SOS1: variants seen among roughly 807,000 people sequenced by gnomAD.
SOS1 encodes the protein SOS Ras/Rac guanine nucleotide exchange factor 1, also known as son of sevenless homolog 1.
Under a neutral mutation model 157.6 loss-of-function variants are expected in SOS1, and 25 were observed. That is an observed-to-expected ratio of 0.16 (90% CI 0.12 to 0.22). The LOEUF (loss-of-function observed/expected upper bound fraction) is 0.22, where lower values mean the gene tolerates loss of function less well. SOS1 is among the 10% of genes least tolerant of loss of function. SOS1 has a pLI of 1.00. For synonymous variants in SOS1, 528 were observed against 534.0 expected, an observed-to-expected ratio of 0.99 and a Z score of 0.16; for missense variants, 1,237 against 1,599.1, an observed-to-expected ratio of 0.77 and a Z score of 3.86.
chr2:39,055,215 C>T lies in SOS1; in HGVS notation c.511-392G>A, dbSNP rs138441404. Among the ~76,000 whole-genome samples, 197 of 152,198 alleles carry T rather than the reference C, an allele frequency of 1.3e-3. 1 individual carries two copies. Among genetic ancestry groups the T allele is most frequent in the Non-Finnish European group, 2.5e-3 (168 of 67,994 alleles). On this transcript the variant is annotated intron_variant, in intron 4 of 22. Coordinates refer to ENST00000402219, the MANE Select transcript of SOS1 (RefSeq NM_005633.4). The stretch of plus-strand genomic sequence containing the variant: ...AAATGTTTATAGCTGTCTATTCGGC[C>T]GATTTTCCTACATTTGTTGGGAATA...
At chr2:39,100,639 G>T (rs545798249) in intron 1 of SOS1, among the ~76,000 whole-genome samples, 1 of 152,214 alleles carries the variant, frequency 6.6e-6, no homozygotes, top group Non-Finnish European at 1.5e-5. Flanking sequence ...GAGCAGGCCA[G>T]GCGTGGTGAC....
intron 1 of SOS1, among the ~76,000 whole-genome samples, chr2:39,081,873 T>A (rs923388685): frequency 6.6e-6 from 1 of 152,192 alleles, no homozygotes; most frequent in Non-Finnish European, 1.5e-5. Flanking sequence ...AATATTTTTA[T>A]AAAAACTTGC....
chr2:39,056,671 A>C (rs200129872), intron 4 of SOS1, 31 bp downstream of exon 4: 1 of 1,461,640 alleles, frequency 6.8e-7, no homozygotes, highest in Non-Finnish European at 9.6e-7. Context: ...AAAGAAACTT[A>C]AGAAAAAAAT....
At chr2:39,023,928 C>G in intron 9 of SOS1, 82 bp downstream of exon 9, 2 of 952,712 alleles carry the variant, frequency 2.1e-6, no homozygotes, top group Non-Finnish European at 3.4e-6. Flanking sequence ...TCATTGTTTA[C>G]TTGAGGAGGG....
intron 11 of SOS1, 133 bp downstream of exon 11, chr2:39,014,632 A>T: frequency 2.0e-6 from 1 of 507,874 alleles, no homozygotes; most frequent in Non-Finnish European, 3.6e-6. Context: ...TGTTCATCTA[A>T]GAGATTTTAT....
chr2:38,993,088 A>AT (rs1265412908), intron 20 of SOS1: 2 of 151,272 alleles, frequency 1.3e-5, no homozygotes, highest in Non-Finnish European at 2.9e-5. Context: ...ATTTTATAAA[A>AT]TTAAAAAAAA....
intron 1 of SOS1, among the ~76,000 whole-genome samples, chr2:39,099,848 C>G (rs1354415364): frequency 6.6e-6 from 1 of 152,258 alleles, no homozygotes; most frequent in Admixed American, 6.5e-5. Flanking sequence ...AAGTGATGCT[C>G]CTGCCTCAGC....
At chr2:39,006,234 A>G (rs72799436) in intron 17 of SOS1, among the ~76,000 whole-genome samples, 178 bp downstream of exon 17, 74 of 152,312 alleles carry the variant, frequency 4.9e-4, no homozygotes, top group Non-Finnish European at 8.5e-4. Context: ...AATGAAATGT[A>G]TATTAGACTT....
intron 1 of SOS1, among the ~76,000 whole-genome samples, chr2:39,103,689 T>A (rs1056563420): frequency 3.3e-5 from 5 of 152,160 alleles, no homozygotes; most frequent in African/African-American, 1.2e-4. Context: ...CATAAATCTC[T>A]TAGAAGAAAA....
In SOS1 at chr2:39,012,117, A is replaced by G. The variant is rs755919260; in HGVS notation, c.2390+9T>C. 6.4e-7 allele frequency: 1 copy of G among 1,571,784 alleles called. No individual in the cohort carries two copies. Among genetic ancestry groups the G allele is most frequent in the Non-Finnish European group, 8.8e-7 (1 of 1,141,488 alleles). ...AATGACTTTTCAACTTGAATGTTAA[A>G]TTACATACCGGTATAGATCTGATTC... On this transcript the variant is annotated intron_variant, in intron 14 of 22. Transcript: ENST00000402219.
intron 17 of SOS1, among the ~76,000 whole-genome samples, chr2:39,004,584 TAAA>T (rs1282900647): frequency 1.3e-5 from 2 of 151,788 alleles, no homozygotes; most frequent in South Asian, 2.1e-4. Flanking sequence ...TTGAAAGTCA[TAAA>T]AAAAGCTAGA....
chr2:39,069,045 T>G (rs1359562556), intron 1 of SOS1, among the ~76,000 whole-genome samples: 1 of 151,368 alleles, frequency 6.6e-6, no homozygotes, highest in East Asian at 1.9e-4. Context: ...ACAGGGAAAA[T>G]TTTATAAACA....
At chr2:39,042,308 C>T (rs566420600) in intron 6 of SOS1, among the ~76,000 whole-genome samples, 2 of 152,250 alleles carry the variant, frequency 1.3e-5, no homozygotes, top group African/African-American at 2.4e-5. Flanking sequence ...TGGGGGACAA[C>T]TGGTATCATT....
At chr2:39,054,296 T>C (rs1284525477) in intron 5 of SOS1, among the ~76,000 whole-genome samples, 3 of 152,244 alleles carry the variant, frequency 2.0e-5, no homozygotes, top group Non-Finnish European at 2.9e-5. Flanking sequence ...TTGGCATTGA[T>C]GAAGTGTAGG....
In SOS1 at chr2:38,981,729, T is replaced by A. The variant is rs1366301501; in HGVS notation, c.*4095A>T. ...CATATTAGATGTATAGACCACACTT[T>A]GTTCTTACATCAAAGACCGACCGAC... On this transcript the variant is annotated 3_prime_UTR_variant, in exon 23 of 23. Coordinates refer to ENST00000402219, the MANE Select transcript of SOS1 (RefSeq NM_005633.4). 6.6e-6 allele frequency: 1 copy of A among 152,186 alleles called. No homozygotes were observed. Among genetic ancestry groups the A allele is most frequent in the African/African-American group, 2.4e-5 (1 of 41,442 alleles). The allele number at this position is 152,186 out of a possible 1,614,324, so 9.4% of individuals were successfully genotyped here. A position where few individuals can be genotyped will look rare whatever the true frequency, so the allele number is the denominator to read the frequency against.
intron 14 of SOS1, 103 bp from the exon 15 acceptor site, chr2:39,010,806 C>A: frequency 1.1e-6 from 1 of 911,046 alleles, no homozygotes; most frequent in East Asian, 2.5e-5. Flanking sequence ...CTCATATGAA[C>A]TTTCCTCTTA....
At chr2:39,008,822 A>C (rs953348561) in intron 15 of SOS1, among the ~76,000 whole-genome samples, 1 of 152,160 alleles carries the variant, frequency 6.6e-6, no homozygotes, top group African/African-American at 2.4e-5. Flanking sequence ...CCATGCAATA[A>C]GAAGCCCTGG....
chr2:38,998,682 C>T (rs1162459781), intron 17 of SOS1, among the ~76,000 whole-genome samples: 1 of 152,090 alleles, frequency 6.6e-6, no homozygotes, highest in African/African-American at 2.4e-5. Context: ...TAGAATAGAG[C>T]CTGACGAACG....
At position 39,116,570 on chromosome 2, in the gene SOS1, C is replaced by A. The variant is rs146492624; in HGVS notation, c.87+3766G>T. 7.2e-3 allele frequency among the ~76,000 whole-genome samples: 1,095 copies of A among 152,342 alleles called. 7 individuals are homozygous for A. Among genetic ancestry groups the A allele is most frequent in the Middle Eastern group, 0.014 (4 of 294 alleles). ...TCTAAAATTAAAATGTGCTGTTACT[C>A]CCCTACTTAAAACTTATTGGCTGGG... On this transcript the variant is annotated intron_variant, in intron 1 of 22. Coordinates refer to ENST00000402219, the MANE Select transcript of SOS1 (RefSeq NM_005633.4).
Sources: gnomAD v4.1 joint callset for allele counts (sites outside exome capture counted in the v4.1 genomes callset) on GRCh38, gnomAD v4.1.1 for gene constraint, MANE v1.5 for transcripts, NCBI Gene and HGNC (gene_info 2026-07-23, HGNC 2026-07-21) for gene names.